Variants in GNG12 observed in about 807,000 individuals in gnomAD.
GNG12 encodes the protein G protein subunit gamma 12.
For synonymous variants in GNG12, 28 were observed against 29.7 expected, an observed-to-expected ratio of 0.94 and a Z score of 0.19; for missense variants, 69 against 83.8, an observed-to-expected ratio of 0.82 and a Z score of 0.69.
intron 2 of GNG12, among the ~76,000 whole-genome samples, chr1:67,754,844 G>GCACTCCAGCCTGCTACCTGACAGCCAT (rs1646559099): frequency 6.6e-6 from 1 of 152,142 alleles, no homozygotes; most frequent in South Asian, 2.1e-4. Context: ...TGTGTAGCAG[G>GCACTCCAGCCTGCTACCTGACAGCCAT]CACTCCAGCC....
At chr1:67,755,120 G>A (rs1009740841) in intron 2 of GNG12, among the ~76,000 whole-genome samples, 1 of 152,254 alleles carries the variant, frequency 6.6e-6, no homozygotes, top group African/African-American at 2.4e-5. Context: ...GTTGTTACAA[G>A]AGGATGGGAT....
intron 2 of GNG12, among the ~76,000 whole-genome samples, chr1:67,775,227 C>T (rs1211539353): frequency 6.6e-6 from 1 of 152,164 alleles, no homozygotes; most frequent in African/African-American, 2.4e-5. Context: ...GTTAAACATT[C>T]TTCTCATTTT....
At chr1:67,811,786 GAGGCTCAGC>G (rs200718842) in intron 1 of GNG12, among the ~76,000 whole-genome samples, 11,392 of 152,244 alleles carry the variant, frequency 0.075, 630 homozygotes, top group Non-Finnish European at 0.099. Context: ...GAAGAGAGCT[GAGGCTCAGC>G]AGTAAGCAGT....
chr1:67,814,024 T>C (rs1207720570), intron 1 of GNG12, among the ~76,000 whole-genome samples: 1 of 152,122 alleles, frequency 6.6e-6, no homozygotes, highest in African/African-American at 2.4e-5. Flanking sequence ...TTTACATAGG[T>C]AGCAAGTGTC....
At chr1:67,810,931 G>T (rs1260087236) in intron 1 of GNG12, among the ~76,000 whole-genome samples, 1 of 152,218 alleles carries the variant, frequency 6.6e-6, no homozygotes, top group Non-Finnish European at 1.5e-5. Flanking sequence ...TAATACAACA[G>T]GTAGTTAGTG....
At chr1:67,777,604 C>T (rs1646713311) in intron 1 of GNG12, 97 bp from the exon 2 acceptor site, 1 of 182,864 alleles carries the variant, frequency 5.5e-6, no homozygotes, top group East Asian at 1.9e-4. Flanking sequence ...AGCATTTATT[C>T]ATGTATTTAA....
chr1:67,705,196 T>A lies in GNG12; in HGVS notation c.*255A>T, dbSNP rs1341577243. On this transcript the variant is annotated 3_prime_UTR_variant, in exon 4 of 4. Coordinates refer to ENST00000370982, the MANE Select transcript of GNG12 (RefSeq NM_018841.6). ...TTTTTAAAAAGGCCCAGATCAACTT[T>A]CCTTAAACAGTAACCCAACATAAAG... is the stretch of plus-strand genomic sequence containing the variant. The A allele has an allele frequency of 3.2e-6, 1 of 316,406 alleles. No individual in the cohort carries two copies. The highest frequency in any genetic ancestry group is 5.1e-5 in the Admixed American group (1 of 19,418). 19.6% of individuals were successfully genotyped at this position (316,406 alleles called of 1,614,324 possible).
rs190809504 is a variant in GNG12 at position 67,788,245 on chromosome 1, T to C, written c.-76-10738A>G. On this transcript the variant is annotated intron_variant, in intron 1 of 3. Transcript: ENST00000370982. ...AAATAATTGCATACTTCACAGCAAC[T>C]AGCCAGAAGAGTGGTCTGAAATTAG... is the stretch of plus-strand genomic sequence containing the variant. 1.7e-3 allele frequency among the ~76,000 whole-genome samples: 262 copies of C among 152,360 alleles called. 4 individuals carry two copies. Among genetic ancestry groups the C allele is most frequent in the African/African-American group, 6.0e-3 (250 of 41,590 alleles).
At chr1:67,778,347 C>T (rs1387790662) in intron 1 of GNG12, among the ~76,000 whole-genome samples, 5 of 152,088 alleles carry the variant, frequency 3.3e-5, no homozygotes, top group African/African-American at 1.2e-4. Flanking sequence ...TCCATGGCCA[C>T]ACATGGCTAG....
intron 2 of GNG12, among the ~76,000 whole-genome samples, chr1:67,759,230 A>G (rs1646588139): frequency 6.6e-6 from 1 of 152,352 alleles, no homozygotes; most frequent in East Asian, 1.9e-4. Flanking sequence ...TATACATCCC[A>G]CAGTACTAAT....
chr1:67,747,074 A>G (rs1478725752), intron 2 of GNG12, among the ~76,000 whole-genome samples: 2 of 152,138 alleles, frequency 1.3e-5, no homozygotes, highest in Non-Finnish European at 2.9e-5. Context: ...TGCACACAAA[A>G]CTGCAAATAA....
chr1:67,798,069 C>T (rs928352163), intron 1 of GNG12, among the ~76,000 whole-genome samples: 13 of 152,186 alleles, frequency 8.5e-5, no homozygotes, highest in African/African-American at 3.1e-4. Flanking sequence ...CACTTTCTGC[C>T]TCAGTCTGCC....
intron 1 of GNG12, among the ~76,000 whole-genome samples, chr1:67,807,897 A>G (rs1255833717): frequency 1.3e-5 from 2 of 152,154 alleles, no homozygotes; most frequent in Non-Finnish European, 2.9e-5. Context: ...GGATGAAATT[A>G]TAACAATTCT....
At chr1:67,707,069 A>C (rs1378201913) in intron 3 of GNG12, among the ~76,000 whole-genome samples, 1 of 152,210 alleles carries the variant, frequency 6.6e-6, no homozygotes, top group Non-Finnish European at 1.5e-5. Context: ...GATCTAAGAA[A>C]TGCATTCCAG....
At chr1:67,732,712 C>T (rs1309631562) in intron 2 of GNG12, among the ~76,000 whole-genome samples, 1 of 152,192 alleles carries the variant, frequency 6.6e-6, no homozygotes, top group Non-Finnish European at 1.5e-5. Context: ...GAAACTGAGG[C>T]AAAAGGAGAT....
intron 1 of GNG12, among the ~76,000 whole-genome samples, chr1:67,814,395 T>A (rs762995170): frequency 1.3e-5 from 2 of 152,230 alleles, no homozygotes; most frequent in Non-Finnish European, 2.9e-5. Context: ...AACAGTCAAC[T>A]AAAGGCATAA....
chr1:67,726,356 T>C (rs1388811309), intron 2 of GNG12, among the ~76,000 whole-genome samples: 2 of 152,230 alleles, frequency 1.3e-5, no homozygotes, highest in South Asian at 4.1e-4. Flanking sequence ...TATGTGCTGA[T>C]TTATCATGAG....
At chr1:67,773,402 C>G (rs1400208579) in intron 2 of GNG12, among the ~76,000 whole-genome samples, 1 of 152,144 alleles carries the variant, frequency 6.6e-6, no homozygotes, top group African/African-American at 2.4e-5. Flanking sequence ...GATATTTCCT[C>G]TTGTAATAAA....
At chr1:67,765,630 G>T (rs1450459471) in intron 2 of GNG12, among the ~76,000 whole-genome samples, 2 of 152,150 alleles carry the variant, frequency 1.3e-5, no homozygotes, top group East Asian at 3.9e-4. Context: ...TGCCTGTTTT[G>T]CATTTTTCTT....
Sources: allele counts gnomAD v4.1 joint callset (sites outside exome capture counted in the v4.1 genomes callset), GRCh38; gene constraint gnomAD v4.1.1; transcripts MANE v1.5; gene names NCBI Gene and HGNC (gene_info 2026-07-23, HGNC 2026-07-21).